The following WWOX variants were observed in gnomAD, a reference collection of about 807,000 sequenced individuals.
WWOX encodes the protein WW domain-containing oxidoreductase.
Under a neutral mutation model 46.2 loss-of-function variants are expected in WWOX, and 69 were observed. The observed-to-expected ratio is 1.49, with a 90% CI of 1.23 to 1.82. WWOX has a LOEUF of 1.82. Among genes scored for constraint, WWOX ranks in the 40% most tolerant of loss-of-function variants. The pLI is 0.00. For missense variants in WWOX, 919 were observed against 542.6 expected (o/e 1.69, Z -6.89); for synonymous variants, 359 against 202.6 (o/e 1.77, Z -6.56).
rs180826168 is a variant in WWOX at position 78,758,164 on chromosome 16, C to T, written c.1056+325412C>T. 1.2e-4 allele frequency among the ~76,000 whole-genome samples: 18 copies of T among 152,100 alleles called. No individual in the cohort carries two copies. The East Asian group carries it at 1.9e-3, about 16-fold the overall frequency. On this transcript the variant is annotated intron_variant, in intron 8 of 8. Coordinates refer to ENST00000566780, the MANE Select transcript of WWOX (RefSeq NM_016373.4). ...TTAAAAGGAAATGTTCTATTTCCATCGTAAAGGGAAGATCAATATGATTTG... is the reference window on the plus strand; with the variant it reads ...TTAAAAGGAAATGTTCTATTTCCATTGTAAAGGGAAGATCAATATGATTTG...
intron 5 of WWOX, among the ~76,000 whole-genome samples, chr16:78,226,859 A>C (rs1057002211): frequency 2.0e-5 from 3 of 152,224 alleles, no homozygotes; most frequent in African/African-American, 7.2e-5. Context: ...GATTTCATCC[A>C]GATAGATTCA....
chr16:78,907,682 C>G (rs139451162), intron 8 of WWOX, among the ~76,000 whole-genome samples: 41 of 152,318 alleles, frequency 2.7e-4, no homozygotes, highest in Middle Eastern at 6.8e-3. Flanking sequence ...GTTTTAATAA[C>G]TGCTATTTAG....
At chr16:78,857,933 C>T (rs1233230636) in intron 8 of WWOX, among the ~76,000 whole-genome samples, 2 of 151,998 alleles carry the variant, frequency 1.3e-5, no homozygotes, top group East Asian at 1.9e-4. Flanking sequence ...AATGAATGTG[C>T]CAGGACACCC....
chr16:78,204,319 C>T (rs930564288), intron 5 of WWOX, among the ~76,000 whole-genome samples: 15 of 151,652 alleles, frequency 9.9e-5, no homozygotes, highest in Admixed American at 3.9e-4. Flanking sequence ...GGGGTACATC[C>T]GATGTTTTGA....
intron 8 of WWOX, among the ~76,000 whole-genome samples, chr16:78,704,467 G>A (rs1298551158): frequency 1.3e-5 from 2 of 152,056 alleles, no homozygotes; most frequent in Non-Finnish European, 2.9e-5. Flanking sequence ...GATTGCCCAC[G>A]GATCTTCAGT....
chr16:78,981,020 G>A (rs1365001508), intron 8 of WWOX, among the ~76,000 whole-genome samples: 2 of 152,156 alleles, frequency 1.3e-5, no homozygotes, highest in African/African-American at 2.4e-5. Flanking sequence ...GCGCTGTGTT[G>A]CGTCATCATG....
In WWOX at chr16:78,741,567, A is replaced by G. The variant is rs770598723; in HGVS notation, c.1056+308815A>G. On this transcript the variant is annotated intron_variant, in intron 8 of 8. Coordinates refer to ENST00000566780, the MANE Select transcript of WWOX (RefSeq NM_016373.4). ...AGTGAGACTGTGTCTCAAAAACAAA[A>G]TATCTGGCTGGGCACAGTGGCTCAT... 1.2e-4 allele frequency among the ~76,000 whole-genome samples: 17 copies of G among 146,034 alleles called. No individual in the cohort carries two copies. In the Admixed American group the frequency reaches 1.2e-3, roughly 10 times the overall value.
chr16:78,864,253 C>A (rs1052769238), intron 8 of WWOX, among the ~76,000 whole-genome samples: 1 of 151,342 alleles, frequency 6.6e-6, no homozygotes, highest in African/African-American at 2.4e-5. Flanking sequence ...AGAATGGAGC[C>A]CTTTTTTACT....
intron 8 of WWOX, among the ~76,000 whole-genome samples, chr16:78,770,167 A>G (rs998644216): frequency 2.0e-5 from 3 of 152,138 alleles, no homozygotes; most frequent in Non-Finnish European, 2.9e-5. Flanking sequence ...CCTGGCCAAC[A>G]TGGTGAAACC....
intron 8 of WWOX, among the ~76,000 whole-genome samples, chr16:79,036,181 C>T (rs1049977802): frequency 2.0e-5 from 3 of 152,288 alleles, no homozygotes; most frequent in Admixed American, 1.3e-4. Flanking sequence ...TCAGGTTTCA[C>T]CCTCTTCAAG....
At chr16:79,038,920 C>G (rs1010047005) in intron 8 of WWOX, among the ~76,000 whole-genome samples, 2 of 152,302 alleles carry the variant, frequency 1.3e-5, no homozygotes, top group South Asian at 2.1e-4. Context: ...GGATAACTTA[C>G]AAATCTGCAT....
chr16:79,028,645 A>T (rs2151392418), intron 8 of WWOX, among the ~76,000 whole-genome samples: 1 of 151,620 alleles, frequency 6.6e-6, no homozygotes, highest in East Asian at 1.9e-4. Flanking sequence ...TGGGGGGAAA[A>T]AACGCTTCAG....
intron 8 of WWOX, among the ~76,000 whole-genome samples, chr16:78,745,797 G>A (rs1229603115): frequency 6.7e-6 from 1 of 150,350 alleles, no homozygotes; most frequent in Non-Finnish European, 1.5e-5. Flanking sequence ...CAAGACCAGA[G>A]TTGAGGGTGG....
Position 78,847,411 on chromosome 16 carries a change from T to G in WWOX, c.1057-364197T>G, listed in dbSNP as rs73579319. Among the ~76,000 whole-genome samples, 704 of 152,336 alleles carry G rather than the reference T, an allele frequency of 4.6e-3. 12 individuals carry two copies. The highest frequency in any genetic ancestry group is 0.016 in the African/African-American group (670 of 41,590). On this transcript the variant is annotated intron_variant, in intron 8 of 8. Transcript: ENST00000566780. ...ATATTTATAACATATCAGTATCTAT[T>G]ATAAATTATATATATGTACACTTTA...
chr16:78,136,258 G>C (rs1045957702), intron 4 of WWOX, among the ~76,000 whole-genome samples: 1 of 152,198 alleles, frequency 6.6e-6, no homozygotes, highest in Non-Finnish European at 1.5e-5. Flanking sequence ...GGGATTTCAT[G>C]ATATCCCTAT....
intron 6 of WWOX, among the ~76,000 whole-genome samples, chr16:78,418,210 C>T (rs529880732): frequency 3.3e-5 from 5 of 151,808 alleles, no homozygotes; most frequent in African/African-American, 1.2e-4. Flanking sequence ...AATACAAAAA[C>T]AAGATTAGTG....
intron 8 of WWOX, among the ~76,000 whole-genome samples, chr16:79,098,779 GTCT>G (rs2049130289): frequency 6.6e-6 from 1 of 152,164 alleles, no homozygotes; most frequent in African/African-American, 2.4e-5. Context: ...CATAGAAATG[GTCT>G]TCATTTCTGC....
At chr16:78,524,307 T>A (rs530204288) in intron 8 of WWOX, among the ~76,000 whole-genome samples, 1 of 152,352 alleles carries the variant, frequency 6.6e-6, no homozygotes, top group African/African-American at 2.4e-5. Context: ...TTATTTTTGT[T>A]GTTACTGCTG....
intron 8 of WWOX, among the ~76,000 whole-genome samples, chr16:79,206,895 G>T (rs1217295448): frequency 6.6e-6 from 1 of 152,184 alleles, no homozygotes; most frequent in Non-Finnish European, 1.5e-5. Flanking sequence ...CTAAAAGATT[G>T]CTCTTGGATA....
Sources: allele counts gnomAD v4.1 joint callset (sites outside exome capture counted in the v4.1 genomes callset), GRCh38; gene constraint gnomAD v4.1.1; transcripts MANE v1.5; gene names NCBI Gene and HGNC (gene_info 2026-07-23, HGNC 2026-07-21).